The following ENPP1 variants were observed in gnomAD, a reference collection of about 807,000 sequenced individuals.
ENPP1 encodes the protein ectonucleotide pyrophosphatase/phosphodiesterase 1.
In ENPP1, 73 loss-of-function variants were observed where a neutral mutation model predicts 122.8. The observed-to-expected ratio is 0.59, with a 90% CI of 0.49 to 0.72. ENPP1 has a LOEUF of 0.72. ENPP1 is among the 30% of genes least tolerant of loss of function. ENPP1 has a pLI of 0.00. For missense variants in ENPP1, 978 were observed against 1,128.1 expected (o/e 0.87, Z 1.91); for synonymous variants, 367 against 391.6 (o/e 0.94, Z 0.74).
chr6:131,894,853 TTCC>T lies in ENPP1; in HGVS notation c.*4348_*4350del, dbSNP rs1361702679. ...GGAGAAGCTGTTACCCCCTTCACTT[TTCC>T]TCCTCTGTCATTACCCACAATCACT... On this transcript the variant is annotated 3_prime_UTR_variant, in exon 25 of 25. Transcript: ENST00000647893. The T allele has an allele frequency of 6.6e-6, 1 of 152,278 alleles. No individual in the cohort carries two copies. The highest frequency in any genetic ancestry group is 2.4e-5 in the African/African-American group (1 of 41,444). 9.4% of individuals were successfully genotyped at this position (152,278 alleles called of 1,614,324 possible). A position where few individuals can be genotyped will look rare whatever the true frequency, so the allele number is the denominator to read the frequency against.
At chr6:131,875,101 A>G (rs976270687) in intron 16 of ENPP1, among the ~76,000 whole-genome samples, 1 of 152,154 alleles carries the variant, frequency 6.6e-6, no homozygotes, top group Admixed American at 6.6e-5. Flanking sequence ...AATACCACTT[A>G]TTGGGTACAA....
chr6:131,869,020 C>T (rs1782124333), intron 12 of ENPP1, among the ~76,000 whole-genome samples: 1 of 152,200 alleles, frequency 6.6e-6, no homozygotes, highest in Admixed American at 6.5e-5. Flanking sequence ...CATACACATA[C>T]ACTCCCAGTT....
chr6:131,846,229 T>C (rs1296008382), intron 1 of ENPP1, among the ~76,000 whole-genome samples: 2 of 152,138 alleles, frequency 1.3e-5, no homozygotes, highest in East Asian at 3.9e-4. Context: ...TATTCACCCA[T>C]TCCTCCTGTC....
At chr6:131,848,020 T>C (rs868747836) in intron 2 of ENPP1, among the ~76,000 whole-genome samples, 172 bp downstream of exon 2, 18 of 152,302 alleles carry the variant, frequency 1.2e-4, no homozygotes, top group Middle Eastern at 3.4e-3. Flanking sequence ...TCTTGTATTA[T>C]ATTAGTCATA....
chr6:131,857,477 A>G (rs2114698902), intron 6 of ENPP1, among the ~76,000 whole-genome samples: 1 of 151,092 alleles, frequency 6.6e-6, no homozygotes, highest in Middle Eastern at 3.4e-3. Flanking sequence ...GCCATAAAAA[A>G]TGATGAGTTC....
At chr6:131,882,937 G>A (rs1782331468) in intron 21 of ENPP1, among the ~76,000 whole-genome samples, 3 of 151,952 alleles carry the variant, frequency 2.0e-5, no homozygotes, top group Non-Finnish European at 2.9e-5. Context: ...ACTTTGTTAG[G>A]ATAAATAACT....
chr6:131,863,236 C>A (rs745703367), intron 9 of ENPP1, among the ~76,000 whole-genome samples: 1 of 152,092 alleles, frequency 6.6e-6, no homozygotes, highest in Non-Finnish European at 1.5e-5. Flanking sequence ...ATTAATGGTA[C>A]CTCTGGATTT....
intron 1 of ENPP1, among the ~76,000 whole-genome samples, chr6:131,845,189 C>T (rs1488964238): frequency 6.0e-5 from 9 of 150,366 alleles, no homozygotes; most frequent in South Asian, 2.1e-4. Context: ...CCTACCACTG[C>T]ACCTGGCTAA....
chr6:131,808,112 G>T lies in ENPP1; in HGVS notation c.77G>T (p.Gly26Val). ...GGRAPREGPA[G>V]NGRDRGRSHA... ...CGCGCTCCCCGGGAGGGCCCGGCGG[G>T]GAACGGCCGCGATCGGGGCCGCAGC... Residue 26 changes from glycine (G) to valine (V), a missense_variant, in exon 1 of 25, where the codon GGG (glycine) becomes GTG (valine). Gly to Val is a moderately radical substitution (Grantham distance 109). Around this residue, in one of 3 missense-constraint regions of ENPP1, gnomAD observed 330 missense variants for 328.5 expected, o/e 1.00. Transcript: ENST00000647893. 8.1e-7 allele frequency: 1 copy of T among 1,239,592 alleles called. No homozygotes were observed. Among genetic ancestry groups the T allele is most frequent in the African/African-American group, 1.6e-5 (1 of 63,282 alleles). The allele number at this position is 1,239,592 out of a possible 1,614,324, so 76.8% of individuals were successfully genotyped here. A position where few individuals can be genotyped will look rare whatever the true frequency, so the allele number is the denominator to read the frequency against.
intron 16 of ENPP1, 52 bp from the exon 17 acceptor site, chr6:131,875,724 A>C: frequency 6.8e-7 from 1 of 1,464,368 alleles, no homozygotes; most frequent in Non-Finnish European, 9.6e-7. Context: ...TTTTGGGACC[A>C]ACTTGTAGAC....
intron 1 of ENPP1, among the ~76,000 whole-genome samples, chr6:131,816,376 A>G (rs1228985624): frequency 6.6e-6 from 1 of 152,142 alleles, no homozygotes; most frequent in Non-Finnish European, 1.5e-5. Flanking sequence ...TACCCCCCAA[A>G]CAAGAAAAAA....
At chr6:131,820,613 A>G (rs896769275) in intron 1 of ENPP1, 6 of 152,250 alleles carry the variant, frequency 3.9e-5, no homozygotes, top group Admixed American at 6.5e-5. Flanking sequence ...AGTTACAATG[A>G]TTGTATCCTT....
chr6:131,880,319 T>G (rs1782285569), intron 20 of ENPP1, among the ~76,000 whole-genome samples: 1 of 152,090 alleles, frequency 6.6e-6, no homozygotes, highest in Non-Finnish European at 1.5e-5. Context: ...ATCTCAGCAC[T>G]TTGGGAGGCC....
chr6:131,825,069 A>AG (rs1781530544), intron 1 of ENPP1, among the ~76,000 whole-genome samples: 1 of 151,964 alleles, frequency 6.6e-6, no homozygotes, highest in African/African-American at 2.4e-5. Flanking sequence ...CAAAAAAAAA[A>AG]CAAACAAACA....
chr6:131,879,827 A>C, intron 19 of ENPP1, 53 bp from the exon 20 acceptor site: 4 of 1,482,240 alleles, frequency 2.7e-6, no homozygotes, highest in Non-Finnish European at 3.8e-6. Context: ...ATCACACTAT[A>C]TATTATCATA....
chr6:131,881,544 A>C (rs1782305788), intron 20 of ENPP1, among the ~76,000 whole-genome samples: 1 of 152,114 alleles, frequency 6.6e-6, no homozygotes, highest in African/African-American at 2.4e-5. Flanking sequence ...GTAGTTGACT[A>C]TGGAAGATAG....
At chr6:131,808,419 C>T (rs1412716330) in intron 1 of ENPP1, 144 bp downstream of exon 1, 2 of 1,127,216 alleles carry the variant, frequency 1.8e-6, no homozygotes, top group South Asian at 2.7e-5. Flanking sequence ...GCGCGCTCTC[C>T]TCCGCAGCCT....
At chr6:131,877,804 A>G (rs1301370762) in intron 18 of ENPP1, 3 of 124,994 alleles carry the variant, frequency 2.4e-5, no homozygotes, top group African/African-American at 9.2e-5. Context: ...ACACCATCGC[A>G]TTCCAGCCTG....
In ENPP1 at chr6:131,879,959, C is replaced by T; in HGVS notation, c.2025C>T (p.Ser675=). 6.2e-7 allele frequency: 1 copy of T among 1,613,844 alleles called. No homozygotes were observed. Among genetic ancestry groups the T allele is most frequent in the Non-Finnish European group, 8.5e-7 (1 of 1,179,746 alleles). ...LQKENTICLL[S]QHQFMSGYSQ... is the part of the protein sequence containing the mutation. Reference sequence around the variant, plus strand: ...AGGAAAACACCATCTGTCTTCTTTCCCAGCACCAGTTTATGAGTGGATACA... The same window carrying T: ...AGGAAAACACCATCTGTCTTCTTTCTCAGCACCAGTTTATGAGTGGATACA... The change falls in exon 20 of 25, where the codon TCC becomes TCT. Residue 675 remains serine, a synonymous_variant. Transcript: ENST00000647893.
Sources: allele counts gnomAD v4.1 joint callset (sites outside exome capture counted in the v4.1 genomes callset), GRCh38; gene constraint gnomAD v4.1.1; regional missense constraint gnomAD v4.1.1; transcripts MANE v1.5; gene names NCBI Gene and HGNC (gene_info 2026-07-23, HGNC 2026-07-21).